DOCK7: variants seen among roughly 807,000 people sequenced by gnomAD.
DOCK7 encodes the protein dedicator of cytokinesis 7, also known as dedicator of cytokinesis protein 7.
Under a neutral mutation model 271.0 loss-of-function variants are expected in DOCK7, and 138 were observed. The observed-to-expected ratio is 0.51, with a 90% CI of 0.44 to 0.59. The LOEUF (loss-of-function observed/expected upper bound fraction) is 0.59, where lower values mean the gene tolerates loss of function less well. Among genes scored for constraint, DOCK7 ranks in the 20% least tolerant of loss-of-function variants. The probability of loss-of-function intolerance (pLI) is 0.00; values close to 1 mark genes in which losing one functional copy is unlikely to be tolerated. For synonymous variants in DOCK7, 823 were observed against 876.1 expected, an observed-to-expected ratio of 0.94 and a Z score of 1.07; for missense variants, 2,066 against 2,592.4, an observed-to-expected ratio of 0.80 and a Z score of 4.41.
intron 43 of DOCK7, chr1:62,482,015 C>T (rs1486759129): frequency 6.6e-6 from 1 of 152,160 alleles, no homozygotes; most frequent in South Asian, 2.1e-4. Flanking sequence ...TTTACCAGTT[C>T]ACTTCTAGAT....
chr1:62,673,449 T>G (rs1660220301), intron 1 of DOCK7, among the ~76,000 whole-genome samples: 1 of 152,186 alleles, frequency 6.6e-6, no homozygotes, highest in Non-Finnish European at 1.5e-5. Flanking sequence ...CTGCTCCCTA[T>G]TTCATGGAAC....
intron 4 of DOCK7, among the ~76,000 whole-genome samples, chr1:62,650,652 C>A (rs1657225529): frequency 6.6e-6 from 1 of 152,192 alleles, no homozygotes; most frequent in South Asian, 2.1e-4. Flanking sequence ...ACAGACACTT[C>A]TCAAAAGAAG....
At chr1:62,541,901 A>C (rs2149398155) in intron 25 of DOCK7, among the ~76,000 whole-genome samples, 1 of 152,246 alleles carries the variant, frequency 6.6e-6, no homozygotes, top group African/African-American at 2.4e-5. Flanking sequence ...AAGAGACAGG[A>C]TCTTGCTCTG....
chr1:62,634,939 T>C lies in DOCK7; in HGVS notation c.886-17A>G. ...TTCTGAAATCTAAAAAATATTAGTA[T>C]GTTAAACTTTAAAATATGTACATTT... On this transcript the variant is annotated splice_polypyrimidine_tract_variant and intron_variant, in intron 8 of 49. Coordinates refer to ENST00000635253, the MANE Select transcript of DOCK7 (RefSeq NM_001367561.1). The C allele has an allele frequency of 1.3e-6, 2 of 1,544,072 alleles. No homozygotes were observed. Among genetic ancestry groups the C allele is most frequent in the South Asian group, 1.2e-5 (1 of 85,202 alleles).
At chr1:62,615,896 C>T (rs951544479) in intron 14 of DOCK7, among the ~76,000 whole-genome samples, 5 of 151,730 alleles carry the variant, frequency 3.3e-5, no homozygotes, top group Non-Finnish European at 7.4e-5. Flanking sequence ...CATTTTTATA[C>T]TTGAAAAATT....
intron 2 of DOCK7, among the ~76,000 whole-genome samples, chr1:62,659,925 A>G (rs1348929244): frequency 6.6e-6 from 1 of 152,222 alleles, no homozygotes; most frequent in African/African-American, 2.4e-5. Flanking sequence ...GAGCTATAAA[A>G]TAGGTGTAGC....
intron 1 of DOCK7, among the ~76,000 whole-genome samples, chr1:62,668,107 T>C (rs1360217939): frequency 6.6e-6 from 1 of 152,154 alleles, no homozygotes; most frequent in East Asian, 1.9e-4. Flanking sequence ...TAGTAAGTAT[T>C]TGTGCCAAAA....
At chr1:62,607,686 A>T (rs1651199814) in intron 14 of DOCK7, 3 of 152,222 alleles carry the variant, frequency 2.0e-5, no homozygotes, top group Admixed American at 2.0e-4. Context: ...AGGATAAAAT[A>T]ACTTACTATA....
At chr1:62,597,640 C>G in intron 14 of DOCK7, 1 of 1,613,174 alleles carries the variant, frequency 6.2e-7, no homozygotes, top group Non-Finnish European at 8.5e-7. Flanking sequence ...GACAATTCAT[C>G]ATTTGATTCT....
intron 1 of DOCK7, among the ~76,000 whole-genome samples, chr1:62,672,830 T>C (rs1357112034): frequency 6.6e-6 from 1 of 152,120 alleles, no homozygotes; most frequent in Admixed American, 6.5e-5. Flanking sequence ...TCCTAAAGCT[T>C]TCCATGGAAG....
chr1:62,602,237 G>T (rs757777579), intron 14 of DOCK7: 1 of 1,441,254 alleles, frequency 6.9e-7, no homozygotes, highest in South Asian at 1.2e-5. Flanking sequence ...ATTTACATCT[G>T]TCAACATAAA....
chr1:62,617,421 G>T (rs1411519878), intron 14 of DOCK7, among the ~76,000 whole-genome samples: 1 of 151,994 alleles, frequency 6.6e-6, no homozygotes, highest in Non-Finnish European at 1.5e-5. Context: ...TGGCTGCAAT[G>T]TTGAGAAGTG....
intron 18 of DOCK7, among the ~76,000 whole-genome samples, chr1:62,572,166 C>G (rs12116574): frequency 6.6e-6 from 1 of 151,988 alleles, no homozygotes; most frequent in Non-Finnish European, 1.5e-5. Context: ...CAACCTAGAT[C>G]GGCTGTCACA....
At position 62,494,359 on chromosome 1, in the gene DOCK7, T is replaced by C. The variant is rs1646556940; in HGVS notation, c.5133A>G (p.Leu1711=). Residue 1711 remains leucine, a synonymous_variant, in exon 40 of 50, where the codon CTA becomes CTG. Coordinates refer to ENST00000635253, the MANE Select transcript of DOCK7 (RefSeq NM_001367561.1). The stretch of plus-strand genomic sequence containing the variant: ...CAGCAACAAGTGCTGCTGAGTGGAC[T>C]AGACACTGTGCAGCTTCAGCATGAT... ...RSNHAEAAQC[L]VHSAALVAEY... 2.5e-6 allele frequency: 4 copies of C among 1,613,684 alleles called. No homozygotes were observed. Among genetic ancestry groups the C allele is most frequent in the Non-Finnish European group, 3.4e-6 (4 of 1,179,668 alleles).
chr1:62,480,222 C>G (rs1045494925), intron 43 of DOCK7, among the ~76,000 whole-genome samples: 1 of 152,248 alleles, frequency 6.6e-6, no homozygotes, highest in East Asian at 1.9e-4. Context: ...TTGATGTGAT[C>G]TGACCAATGA....
intron 14 of DOCK7, chr1:62,598,769 A>T: frequency 4.3e-6 from 7 of 1,609,498 alleles, no homozygotes; most frequent in Non-Finnish European, 6.0e-6. Flanking sequence ...AAACAATTAA[A>T]CCAACAGCAT....
At chr1:62,543,629 C>T (rs769529087) in intron 24 of DOCK7, 27 bp downstream of exon 24, 1 of 1,515,936 alleles carries the variant, frequency 6.6e-7, no homozygotes, top group South Asian at 1.2e-5. Flanking sequence ...TTTTCCCCCT[C>T]TATGAATTGT....
chr1:62,553,313 T>TATAC (rs1168262021), intron 21 of DOCK7, among the ~76,000 whole-genome samples: 1 of 50,666 alleles, frequency 2.0e-5, no homozygotes, highest in African/African-American at 9.8e-5. Context: ...AAAAGTATTT[T>TATAC]ATATATATAT....
In DOCK7 at chr1:62,455,044, TTAAAA is replaced by T. The variant is rs1194100340; in HGVS notation, c.*365_*369del. 4.5e-6 allele frequency: 2 copies of T among 447,784 alleles called. No homozygotes were observed. The highest frequency in any genetic ancestry group is 4.1e-5 in the African/African-American group (2 of 49,060). 27.7% of individuals were successfully genotyped at this position (447,784 alleles called of 1,614,324 possible). ...AACATTCACATATTTAATAGTACCT[TTAAAA>T]TAAGCATTACTACATTTAAAATGGT... On this transcript the variant is annotated 3_prime_UTR_variant, in exon 50 of 50. Transcript: ENST00000635253.
Sources: gnomAD v4.1 joint callset for allele counts (sites outside exome capture counted in the v4.1 genomes callset) on GRCh38, gnomAD v4.1.1 for gene constraint, MANE v1.5 for transcripts, NCBI Gene and HGNC (gene_info 2026-07-23, HGNC 2026-07-21) for gene names.